The following CUX1 variants were observed in gnomAD, a reference collection of about 807,000 sequenced individuals.
The protein encoded by CUX1 is protein CASP.
A neutral mutation model predicts 158.8 loss-of-function variants in CUX1; 31 were observed. The ratio of observed to expected loss-of-function variants is 0.20; its 90% CI spans 0.15 to 0.26. The LOEUF is 0.26. Among genes scored for constraint, CUX1 ranks in the 10% least tolerant of loss-of-function variants. CUX1 has a pLI of 1.00. For missense variants in CUX1, 1,589 were observed against 2,014.6 expected (o/e 0.79, Z 4.04); for synonymous variants, 879 against 862.1 (o/e 1.02, Z -0.34).
chr7:102,032,738 C>T (rs1392325451), intron 3 of CUX1, among the ~76,000 whole-genome samples: 5 of 152,054 alleles, frequency 3.3e-5, no homozygotes, highest in Non-Finnish European at 7.4e-5. Context: ...ATTATTATAA[C>T]AAAATCATAA....
At chr7:102,274,247 G>A (rs1791434286) in exon 16 of CUX1, 1 of 1,613,378 alleles carries the variant, frequency 6.2e-7, no homozygotes, top group East Asian at 2.2e-5. Flanking sequence ...CCTGCAGGGT[G>A]CCGCTGAGCA....
intron 1 of CUX1, among the ~76,000 whole-genome samples, chr7:101,852,477 G>T (rs1365747791): frequency 6.6e-6 from 1 of 151,796 alleles, no homozygotes; most frequent in Admixed American, 6.6e-5. Context: ...AATTAGCTGG[G>T]CATCGTGGCA....
At chr7:102,043,454 T>C (rs1438959039) in intron 3 of CUX1, among the ~76,000 whole-genome samples, 2 of 151,800 alleles carry the variant, frequency 1.3e-5, no homozygotes, top group Non-Finnish European at 2.9e-5. Flanking sequence ...TGCTGTACCT[T>C]GGAAAAGAAA....
At chr7:102,180,169 C>G (rs28688706) in intron 11 of CUX1, among the ~76,000 whole-genome samples, 2 of 151,866 alleles carry the variant, frequency 1.3e-5, no homozygotes, top group Non-Finnish European at 2.9e-5. Flanking sequence ...ACTACAGTCA[C>G]GCGCCACCAT....
Position 102,201,240 on chromosome 7 carries a change from TAC to T in CUX1, c.2063-116_2063-115del. On this transcript the variant is annotated intron_variant, in intron 17 of 23. Transcript: ENST00000292535. This position sits in a 1 kb window ranked among gnomAD's most constrained non-coding sequence, Gnocchi z 5.0. Reference sequence around the variant, plus strand: ...ACTGACAGGGGCCATGCTGGGGAAATACACAGTGTGGTTCTCCCAAATAACCC... The same window carrying T: ...ACTGACAGGGGCCATGCTGGGGAAATACAGTGTGGTTCTCCCAAATAACCC... The T allele has an allele frequency of 7.1e-7, 1 of 1,414,418 alleles. No homozygotes were observed. Among genetic ancestry groups the T allele is most frequent in the South Asian group, 1.3e-5 (1 of 74,966 alleles). The allele number at this position is 1,414,418 out of a possible 1,614,324, so 87.6% of individuals were successfully genotyped here.
At chr7:102,058,085 C>A (rs1403497944) in intron 3 of CUX1, among the ~76,000 whole-genome samples, 5 of 152,146 alleles carry the variant, frequency 3.3e-5, no homozygotes, top group Admixed American at 2.6e-4. Context: ...ATTACAACTC[C>A]CTGAAAGCTC....
chr7:102,255,125 C>G lies in CUX1; in HGVS notation c.*6083C>G, dbSNP rs1789752728. 1 of 985,362 alleles carries G rather than the reference C, an allele frequency of 1.0e-6. No individual in the cohort carries two copies. The highest frequency in any genetic ancestry group is 1.7e-5 in the African/African-American group (1 of 57,340). 61.0% of individuals were successfully genotyped at this position (985,362 alleles called of 1,614,324 possible). The stretch of plus-strand genomic sequence containing the variant: ...CCAGAGGCCCCGGCGGCCTGTGCTC[C>G]TCACCACCCTGGTCAGGGGAATAGA... On this transcript the variant is annotated 3_prime_UTR_variant, in exon 24 of 24. Transcript: ENST00000292535.
chr7:101,884,797 A>G (rs75917881), intron 1 of CUX1, among the ~76,000 whole-genome samples: 4,139 of 152,320 alleles, frequency 0.027, 79 homozygotes, highest in Middle Eastern at 0.048. Context: ...GTGACACCAT[A>G]AACATTGGAT....
chr7:102,141,951 C>CT (rs1349459005), intron 8 of CUX1, among the ~76,000 whole-genome samples: 1 of 151,942 alleles, frequency 6.6e-6, no homozygotes, highest in Non-Finnish European at 1.5e-5. Flanking sequence ...CCAACCTTTC[C>CT]TTAACACTTC....
chr7:101,845,364 G>A (rs1795581847), intron 1 of CUX1, among the ~76,000 whole-genome samples: 1 of 152,156 alleles, frequency 6.6e-6, no homozygotes, highest in Non-Finnish European at 1.5e-5. Context: ...CCACGAATTG[G>A]CGATTGTTGA....
rs782615603 is a variant in CUX1, at chr7:102,280,806, G to C, written c.1767G>C (p.Glu589Asp). Residue 589 changes from glutamate (E) to aspartate (D), a missense_variant and splice_region_variant, in exon 20 of 23, where the codon GAG becomes GAC. Transcript: ENST00000292538. ...CCTGACTGTCCCTCCCTGTGCAGGA[G>C]CGGCAGAGGAAGTACCTGAGCTTGA... is the stretch of plus-strand genomic sequence containing the variant. The C allele has an allele frequency of 3.0e-5, 48 of 1,612,920 alleles. No homozygotes were observed. The South Asian group carries it at 5.2e-4, about 17-fold the overall frequency.
At chr7:101,866,964 T>C (rs1042991687) in intron 1 of CUX1, among the ~76,000 whole-genome samples, 1 of 152,236 alleles carries the variant, frequency 6.6e-6, no homozygotes, top group African/African-American at 2.4e-5. Flanking sequence ...CTCACGCCTG[T>C]AATCCCTGCG....
chr7:102,228,033 C>A (rs1235011303), intron 21 of CUX1, among the ~76,000 whole-genome samples: 1 of 148,826 alleles, frequency 6.7e-6, no homozygotes, highest in Non-Finnish European at 1.5e-5. Context: ...TCACTGCAAC[C>A]TCTGCCTCCC....
chr7:102,252,196 A>G lies in CUX1; in HGVS notation c.*3154A>G. ...TAGCACTGTCTGTAATACTTCTAAGAGCTGCCACTAAAATAATACAGCAAT... is the reference window on the plus strand; with the variant it reads ...TAGCACTGTCTGTAATACTTCTAAGGGCTGCCACTAAAATAATACAGCAAT... On this transcript the variant is annotated 3_prime_UTR_variant, in exon 24 of 24. Transcript: ENST00000292535. The G allele has an allele frequency of 1.0e-6, 1 of 985,434 alleles. No individual in the cohort carries two copies. Among genetic ancestry groups the G allele is most frequent in the African/African-American group, 1.7e-5 (1 of 57,354 alleles). 61.0% of individuals were successfully genotyped at this position (985,434 alleles called of 1,614,324 possible).
intron 2 of CUX1, among the ~76,000 whole-genome samples, chr7:101,974,423 G>A (rs749717869): frequency 1.1e-4 from 16 of 152,128 alleles, no homozygotes; most frequent in Non-Finnish European, 2.2e-4. Context: ...GTGAAGTGCT[G>A]TATAATGATT....
chr7:102,124,879 TC>T (rs1832447078), intron 8 of CUX1, among the ~76,000 whole-genome samples: 2 of 151,956 alleles, frequency 1.3e-5, no homozygotes, highest in African/African-American at 4.8e-5. Context: ...CCTCCTGGGT[TC>T]AAGCAATTTT....
chr7:102,151,176 A>G (rs782646596), intron 8 of CUX1, among the ~76,000 whole-genome samples: 5 of 152,168 alleles, frequency 3.3e-5, no homozygotes, highest in Non-Finnish European at 5.9e-5. Context: ...GCATTTTTGT[A>G]TTACTTATTG....
chr7:102,105,292 A>G (rs1830219675), intron 6 of CUX1, among the ~76,000 whole-genome samples: 1 of 151,798 alleles, frequency 6.6e-6, no homozygotes, highest in African/African-American at 2.4e-5. Context: ...TGCCTCTTTC[A>G]TTACCTCACA....
chr7:101,925,666 TCACGC>T (rs1805497700), intron 2 of CUX1, among the ~76,000 whole-genome samples: 2 of 152,280 alleles, frequency 1.3e-5, no homozygotes, highest in African/African-American at 4.8e-5. Context: ...GTGCAGTAGC[TCACGC>T]TTATAATCCC....
Sources: allele counts gnomAD v4.1 joint callset (sites outside exome capture counted in the v4.1 genomes callset), GRCh38; gene constraint gnomAD v4.1.1; non-coding constraint Gnocchi (gnomAD v3.1); transcripts MANE v1.5; gene names NCBI Gene and HGNC (gene_info 2026-07-23, HGNC 2026-07-21).